B4GALNT4: variants seen among roughly 807,000 people sequenced by gnomAD.
B4GALNT4 encodes beta-1,4-N-acetyl-galactosaminyltransferase 4.
A neutral mutation model predicts 110.0 loss-of-function variants in B4GALNT4; 77 were observed. That is an observed-to-expected ratio of 0.70 (90% CI 0.58 to 0.85). B4GALNT4 has a LOEUF of 0.85. Ranked by LOEUF, B4GALNT4 falls within the 40% of genes least tolerant of loss-of-function variation. The pLI is 0.00. For missense variants in B4GALNT4, 1,575 were observed against 1,506.0 expected (o/e 1.05, Z -0.76); for synonymous variants, 785 against 655.5 (o/e 1.20, Z -3.02).
At chr11:373,724 A>G in intron 7 of B4GALNT4, 26 bp from the exon 8 acceptor site, 2 of 1,610,650 alleles carry the variant, frequency 1.2e-6, no homozygotes, top group Non-Finnish European at 1.7e-6. Flanking sequence ...TGTGCATGGC[A>G]CGACCCTTGC....
chr11:382,066 G>C lies in B4GALNT4; in HGVS notation c.*274G>C, dbSNP rs1846887201. The C allele has an allele frequency of 6.0e-6, 2 of 333,324 alleles. No homozygotes were observed. The highest frequency in any genetic ancestry group is 2.2e-5 in the African/African-American group (1 of 45,954). 20.6% of individuals were successfully genotyped at this position (333,324 alleles called of 1,614,324 possible). A position where few individuals can be genotyped will look rare whatever the true frequency, so the allele number is the denominator to read the frequency against. ...TGTTTTCAGAATTTCCAAGAGTTCT[G>C]TCTGTTCTGTTTTTTATTCAGAATG... On this transcript the variant is annotated 3_prime_UTR_variant, in exon 20 of 20. Coordinates refer to ENST00000329962, the MANE Select transcript of B4GALNT4 (RefSeq NM_178537.5).
chr11:373,016 G>C lies in B4GALNT4; in HGVS notation c.445-10G>C, dbSNP rs1564868118. 6.2e-7 allele frequency: 1 copy of C among 1,612,416 alleles called. No individual in the cohort carries two copies. The highest frequency in any genetic ancestry group is 1.1e-5 in the South Asian group (1 of 91,072). ...GGGGGCTTCGACAGCAACAGTCACTGCCCCCCCAGACGCGCACCACCGTGA... is the reference window on the plus strand; with the variant it reads ...GGGGGCTTCGACAGCAACAGTCACTCCCCCCCCAGACGCGCACCACCGTGA... On this transcript the variant is annotated splice_polypyrimidine_tract_variant and intron_variant, in intron 4 of 19. Coordinates refer to ENST00000329962, the MANE Select transcript of B4GALNT4 (RefSeq NM_178537.5).
Position 376,726 on chromosome 11 carries a change from C to A in B4GALNT4, c.1603C>A (p.Arg535=), listed in dbSNP as rs761320646. ...CGTGACCAGGGTGCGGCCGGGACAG[C>A]GGGCATCCCCCCGGGCCCCAGCGCC... ...VYVTRVRPGQ[R]ASPRAPAPRA... is the part of the protein sequence containing the mutation. The change falls in exon 14 of 20, where the codon CGG becomes AGG. Residue 535 remains arginine, a synonymous_variant. Transcript: ENST00000329962. 7.1e-7 allele frequency: 1 copy of A among 1,402,786 alleles called. No homozygotes were observed. The highest frequency in any genetic ancestry group is 9.2e-7 in the Non-Finnish European group (1 of 1,084,206). The allele number at this position is 1,402,786 out of a possible 1,614,324, so 86.9% of individuals were successfully genotyped here.
chr11:380,977 G>T, intron 19 of B4GALNT4, 26 bp downstream of exon 19: 1 of 1,605,100 alleles, frequency 6.2e-7, no homozygotes, highest in South Asian at 1.1e-5. Flanking sequence ...CTCCCCAGAG[G>T]TGACACCCTG....
Position 375,588 on chromosome 11 carries a change from G to T in B4GALNT4, c.851-51G>T, listed in dbSNP as rs188585827. 7.8e-4 allele frequency: 1,252 copies of T among 1,601,956 alleles called. 6 individuals carry two copies. In the African/African-American group the frequency reaches 0.014, roughly 18 times the overall value. ...CGGGATGGGCTCTGGGTGTGAGTGGGAAGAGTGGAGGAGGGGGTCTGAGCA... is the reference window on the plus strand; with the variant it reads ...CGGGATGGGCTCTGGGTGTGAGTGGTAAGAGTGGAGGAGGGGGTCTGAGCA... On this transcript the variant is annotated intron_variant, in intron 9 of 19. Coordinates refer to ENST00000329962, the MANE Select transcript of B4GALNT4 (RefSeq NM_178537.5).
chr11:381,821 G>A lies in B4GALNT4; in HGVS notation c.*29G>A, dbSNP rs759850452. 5 of 1,548,184 alleles carry A rather than the reference G, an allele frequency of 3.2e-6. No individual in the cohort carries two copies. Among genetic ancestry groups the A allele is most frequent in the Non-Finnish European group, 4.3e-6 (5 of 1,152,610 alleles). On this transcript the variant is annotated 3_prime_UTR_variant, in exon 20 of 20. Transcript: ENST00000329962. ...CGGGCAGCCCCTCCCAGCCCCGGTG[G>A]GAGTCCCGAGGCAGCTGCTGGGGGC...
Position 376,595 on chromosome 11 carries a change from C to G in B4GALNT4, c.1472C>G (p.Ser491Cys). The G allele has an allele frequency of 7.2e-7, 1 of 1,382,834 alleles. No individual in the cohort carries two copies. The highest frequency in any genetic ancestry group is 3.3e-5 in the East Asian group (1 of 30,344). The allele number at this position is 1,382,834 out of a possible 1,614,324, so 85.7% of individuals were successfully genotyped here. Residue 491 changes from serine (S) to cysteine (C), a missense_variant, in exon 14 of 20, where the codon TCC becomes TGC. Coordinates refer to ENST00000329962, the MANE Select transcript of B4GALNT4 (RefSeq NM_178537.5). ...CGGGACGGGGGGACCCCCAGGCACT[C>G]CCGGGCCCTGAGCTGGGCCGCCAGG... is the stretch of plus-strand genomic sequence containing the variant. ...RPRDGGTPRH[S>C]RALSWAARAA...
In B4GALNT4 at chr11:379,611, G is replaced by A. The variant is rs774790690; in HGVS notation, c.2398G>A (p.Ala800Thr). ...DGESPEPAPA[A>T]SVRPDGRPEL... Reference sequence around the variant, plus strand: ...AGAAAGTCCCGAACCCGCTCCCGCCGCCTCCGTGCGCCCCGACGGCCGCCC... The same window carrying A: ...AGAAAGTCCCGAACCCGCTCCCGCCACCTCCGTGCGCCCCGACGGCCGCCC... The change falls in exon 15 of 20, where the codon GCC (alanine) becomes ACC (threonine). Residue 800 changes from alanine (A) to threonine (T), a missense_variant. Physicochemically the swap from Ala to Thr is moderately conservative, Grantham distance 58. Coordinates refer to ENST00000329962, the MANE Select transcript of B4GALNT4 (RefSeq NM_178537.5). The A allele has an allele frequency of 5.8e-6, 9 of 1,544,452 alleles. No individual in the cohort carries two copies. Among genetic ancestry groups the A allele is most frequent in the Non-Finnish European group, 6.1e-6 (7 of 1,148,722 alleles).
rs553070640 is a variant in B4GALNT4, at chr11:381,969, C to T, written c.*177C>T. ...CCCCTCCCCGGAGAGGCAGCCTTCA[C>T]GGCGGGTCAGGGCCTGGCCTTGGTC... On this transcript the variant is annotated 3_prime_UTR_variant, in exon 20 of 20. Coordinates refer to ENST00000329962, the MANE Select transcript of B4GALNT4 (RefSeq NM_178537.5). The T allele has an allele frequency of 6.2e-4, 435 of 703,634 alleles. 1 individual carries two copies. Among genetic ancestry groups the T allele is most frequent in the Non-Finnish European group, 8.1e-4 (386 of 475,994 alleles). The allele number at this position is 703,634 out of a possible 1,614,324, so 43.6% of individuals were successfully genotyped here.
chr11:379,459 G>A lies in B4GALNT4; in HGVS notation c.2246G>A (p.Arg749Gln), dbSNP rs1318495488. 9 of 1,553,156 alleles carry A rather than the reference G, an allele frequency of 5.8e-6. No homozygotes were observed. The highest frequency in any genetic ancestry group is 3.9e-5 in the Admixed American group (2 of 51,604). The part of the protein sequence containing the change: ...LLRIVNVEKR[R>Q]DSARGSRFLL... ...CGCATCGTGAACGTGGAGAAGCGCC[G>A]GGACTCGGCGCGAGGGAGTCGCTTC... Residue 749 changes from arginine (R) to glutamine (Q), a missense_variant, in exon 15 of 20, where the codon CGG becomes CAG. Coordinates refer to ENST00000329962, the MANE Select transcript of B4GALNT4 (RefSeq NM_178537.5).
rs1340366376 is a variant in B4GALNT4 at position 376,510 on chromosome 11, G to A, written c.1387G>A (p.Ala463Thr). 8.5e-7 allele frequency: 1 copy of A among 1,172,120 alleles called. No individual in the cohort carries two copies. The highest frequency in any genetic ancestry group is 1.1e-6 in the Non-Finnish European group (1 of 895,910). The allele number at this position is 1,172,120 out of a possible 1,614,324, so 72.6% of individuals were successfully genotyped here. Reference protein sequence around the residue: ...APPRSGPQSPAPAAPAQPGAT... With the variant: ...APPRSGPQSPTPAAPAQPGAT... ...GCCCAGGAGCGGCCCCCAGTCCCCC[G>A]CCCCAGCAGCCCCCGCCCAGCCCGG... The change falls in exon 14 of 20, where the codon GCC becomes ACC. Residue 463 changes from alanine (A) to threonine (T), a missense_variant. Ala to Thr is a moderately conservative substitution (Grantham distance 58). Transcript: ENST00000329962.
chr11:372,798 G>T, intron 3 of B4GALNT4, 44 bp downstream of exon 3: 1 of 1,525,200 alleles, frequency 6.6e-7, no homozygotes, highest in Non-Finnish European at 8.8e-7. Flanking sequence ...CAGGGCGGGG[G>T]CTGGGGCGGG....
chr11:372,640 T>C, intron 2 of B4GALNT4, 22 bp from the exon 3 acceptor site: 1 of 1,602,756 alleles, frequency 6.2e-7, no homozygotes, highest in Non-Finnish European at 8.5e-7. Flanking sequence ...ACCCTGACCC[T>C]GTTGCCTTTT....
chr11:379,527 C>T lies in B4GALNT4; in HGVS notation c.2314C>T (p.Arg772Ter), dbSNP rs1215451872. 6.3e-7 allele frequency: 1 copy of T among 1,586,106 alleles called. No homozygotes were observed. The highest frequency in any genetic ancestry group is 2.3e-5 in the East Asian group (1 of 43,884). ...GCAGGAGCGCGGGGGCGGCCGCCTG[C>T]GACTGTCCGAGTACGTCTTCCTGCG... ...ELQERGGGRL[R>*]LSEYVFLRLP... The change falls in exon 15 of 20, where the codon CGA becomes TGA. Residue 772 changes from arginine (R) to a stop codon, truncating the protein, a stop_gained. Transcript: ENST00000329962. LOFTEE classifies it high-confidence loss of function.
At chr11:381,205 T>C in intron 19 of B4GALNT4, 1 of 936,484 alleles carries the variant, frequency 1.1e-6, no homozygotes. Flanking sequence ...CCATAGGCCC[T>C]GGGTGGCCCT....
rs1356449410 is a variant in B4GALNT4, at chr11:379,565, C to T, written c.2352C>T (p.Ala784=). Residue 784 remains alanine, a synonymous_variant, in exon 15 of 20, where the codon GCC becomes GCT. Transcript: ENST00000329962. ...ACGTCTTCCTGCGGCTGCCGGGAGC[C>T]CGCGTAGGGGATGCAGACGGAGAAA... ...SEYVFLRLPG[A]RVGDADGESP... 5 of 1,586,528 alleles carry T rather than the reference C, an allele frequency of 3.2e-6. No individual in the cohort carries two copies. The highest frequency in any genetic ancestry group is 2.7e-5 in the African/African-American group (2 of 73,728).
chr11:378,206 G>T (rs915710316), intron 14 of B4GALNT4, among the ~76,000 whole-genome samples: 3 of 152,102 alleles, frequency 2.0e-5, no homozygotes, highest in Non-Finnish European at 4.4e-5. Context: ...ACTGTTTCTT[G>T]TGTGCATGAT....
chr11:380,955 A>G lies in B4GALNT4; in HGVS notation c.2996+4A>G. On this transcript the variant is annotated splice_donor_region_variant and intron_variant, in intron 19 of 19. Transcript: ENST00000329962. ...AAGACTGGGAGCTCCTGGACAGGTG[A>G]CCACCTCCCCACTCCCCAGAGGTGA... 1 of 1,610,770 alleles carries G rather than the reference A, an allele frequency of 6.2e-7. No individual in the cohort carries two copies. The highest frequency in any genetic ancestry group is 1.7e-4 in the Middle Eastern group (1 of 6,054).
At chr11:377,895 G>A (rs1846792816) in intron 14 of B4GALNT4, among the ~76,000 whole-genome samples, 1 of 152,356 alleles carries the variant, frequency 6.6e-6, no homozygotes, top group African/African-American at 2.4e-5. Context: ...AGGCTGGTGG[G>A]CAGGAGTGGG....
Sources: allele counts gnomAD v4.1 joint callset (sites outside exome capture counted in the v4.1 genomes callset), GRCh38; gene constraint gnomAD v4.1.1; transcripts MANE v1.5; gene names NCBI Gene and HGNC (gene_info 2026-07-23, HGNC 2026-07-21).